SIRPB1: variants seen among roughly 807,000 people sequenced by gnomAD.
SIRPB1 encodes the protein signal regulatory protein beta 1.
In SIRPB1, 28 loss-of-function variants were observed where a neutral mutation model predicts 34.1. The observed-to-expected ratio is 0.82, with a 90% CI of 0.61 to 1.12. The LOEUF is 1.12. Among genes scored for constraint, SIRPB1 ranks in the 50% most tolerant of loss-of-function variants. SIRPB1 has a pLI of 0.00. For missense variants in SIRPB1, 499 were observed against 507.0 expected, an observed-to-expected ratio of 0.98 and a Z score of 0.15; for synonymous variants, 211 against 203.8, an observed-to-expected ratio of 1.04 and a Z score of -0.30.
Position 1,578,554 on chromosome 20 carries a change from C to G in SIRPB1, c.217G>C (p.Ala73Pro), listed in dbSNP as rs577976401. 2.4e-5 allele frequency: 38 copies of G among 1,584,068 alleles called. 7 individuals are homozygous for G. The highest frequency in any genetic ancestry group is 3.4e-4 in the Middle Eastern group (2 of 5,894). Residue 73 changes from alanine to proline, a missense_variant, in exon 2 of 6, where the codon GCA (alanine) becomes CCA (proline). Physicochemically the swap from Ala to Pro is conservative, Grantham distance 27. Transcript: ENST00000381605. ...TGATTGTAGATTAATTCCCGGCCTG[C>G]TCCAGCTCCTCTAAACCACATGATG... ...GPIMWFRGAG[A>P]GRELIYNQKE...
intron 1 of SIRPB1, among the ~76,000 whole-genome samples, chr20:1,599,438 C>A (rs1221864948): frequency 2.0e-5 from 1 of 49,386 alleles, no homozygotes; most frequent in Non-Finnish European, 3.9e-5. Flanking sequence ...AAGTAGGTGT[C>A]ATGAGTATAA....
Position 1,561,439 on chromosome 20 carries a change from T to C in SIRPB1, c.*4061A>G, listed in dbSNP as rs1371017724. On this transcript the variant is annotated 3_prime_UTR_variant, in exon 6 of 6. Transcript: ENST00000381605. ...ATCTTTTCTTTTTACCTAATGTCGT[T>C]TTTCTCTTCCAGCATCCCATCCAGG... Among the ~76,000 whole-genome samples the C allele has an allele frequency of 1.3e-5, 2 of 152,134 alleles. No homozygotes were observed. The highest frequency in any genetic ancestry group is 2.9e-5 in the Non-Finnish European group (2 of 68,002).
At chr20:1,610,302 C>T (rs145332593) in intron 1 of SIRPB1, among the ~76,000 whole-genome samples, 6,463 of 72,294 alleles carry the variant, frequency 0.089, 2,577 homozygotes, top group Admixed American at 0.26. Flanking sequence ...CAGCGTCTAA[C>T]GCTGGGGAAG....
intron 3 of SIRPB1, among the ~76,000 whole-genome samples, chr20:1,571,505 A>G (rs773804513): frequency 7.9e-5 from 12 of 152,224 alleles, no homozygotes; most frequent in Non-Finnish European, 1.8e-4. Flanking sequence ...GGTGAAATAA[A>G]TGAAACTCTG....
At chr20:1,571,657 G>A in intron 3 of SIRPB1, 63 bp downstream of exon 3, 1 of 1,610,648 alleles carries the variant, frequency 6.2e-7, no homozygotes, top group Non-Finnish European at 8.5e-7. Flanking sequence ...TCTGGAGCCT[G>A]GGGAGAGGGG....
rs138525987 is a variant in SIRPB1 at position 1,597,686 on chromosome 20, C to T, written c.77-18992G>A. On this transcript the variant is annotated intron_variant, in intron 1 of 5. Coordinates refer to ENST00000381605, the MANE Select transcript of SIRPB1 (RefSeq NM_006065.5). ...GAAAAAATATCCAAATTATATCATACGTATAAACAAAGAGGAAGGATAATC... is the reference window on the plus strand; with the variant it reads ...GAAAAAATATCCAAATTATATCATATGTATAAACAAAGAGGAAGGATAATC... The T allele has an allele frequency of 6.9e-3, 1,946 of 283,018 alleles. 915 individuals carry two copies. The African/African-American group carries it at 0.21, about 30-fold the overall frequency. 17.5% of individuals were successfully genotyped at this position (283,018 alleles called of 1,614,324 possible).
intron 2 of SIRPB1, 151 bp from the exon 3 acceptor site, chr20:1,572,188 T>G: frequency 1.5e-6 from 2 of 1,330,606 alleles, no homozygotes; most frequent in Non-Finnish European, 2.0e-6. Context: ...ATTTTACAGA[T>G]CAGGACACAA....
At chr20:1,617,526 A>G (rs1035907189) in intron 1 of SIRPB1, among the ~76,000 whole-genome samples, 2 of 152,240 alleles carry the variant, frequency 1.3e-5, no homozygotes, top group African/African-American at 4.8e-5. Context: ...GTTACCAGGC[A>G]CTAGGCAGGG....
chr20:1,569,376 T>C (rs946123059), intron 4 of SIRPB1, among the ~76,000 whole-genome samples: 2 of 152,244 alleles, frequency 1.3e-5, no homozygotes, highest in Non-Finnish European at 2.9e-5. Context: ...TGAAATTTAG[T>C]GATTTGAACA....
rs2091082955 is a variant in SIRPB1 at position 1,561,448 on chromosome 20, C to T, written c.*4052G>A. On this transcript the variant is annotated 3_prime_UTR_variant, in exon 6 of 6. Coordinates refer to ENST00000381605, the MANE Select transcript of SIRPB1 (RefSeq NM_006065.5). ...TTTTACCTAATGTCGTTTTTCTCTT[C>T]CAGCATCCCATCCAGGATACCTGTT... 6.6e-6 allele frequency among the ~76,000 whole-genome samples: 1 copy of T among 151,772 alleles called. No individual in the cohort carries two copies. Among genetic ancestry groups the T allele is most frequent in the Non-Finnish European group, 1.5e-5 (1 of 67,928 alleles).
At position 1,588,097 on chromosome 20, in the gene SIRPB1, C is replaced by T. The variant is rs2091430281; in HGVS notation, c.77-9403G>A. 4.2e-5 allele frequency among the ~76,000 whole-genome samples: 2 copies of T among 48,184 alleles called. 1 individual carries two copies. Among genetic ancestry groups the T allele is most frequent in the Non-Finnish European group, 8.0e-5 (2 of 25,132 alleles). 31.6% of individuals were successfully genotyped at this position (48,184 alleles called of 152,430 possible). On this transcript the variant is annotated intron_variant, in intron 1 of 5. Coordinates refer to ENST00000381605, the MANE Select transcript of SIRPB1 (RefSeq NM_006065.5). ...AAATAAGGAGCACCCTTAGGGAGGA[C>T]GGTGGCTGAACATCCCTGGGAAACA...
Position 1,564,724 on chromosome 20 carries a change from G to T in SIRPB1, c.*776C>A. ...ACTGTTGGCAGTGTGAAATTGGTCA[G>T]GTTGGGAGTTATTACACTAGAGAAA... On this transcript the variant is annotated 3_prime_UTR_variant, in exon 6 of 6. Coordinates refer to ENST00000381605, the MANE Select transcript of SIRPB1 (RefSeq NM_006065.5). The T allele has an allele frequency of 2.5e-6, 1 of 393,902 alleles. No homozygotes were observed. Among genetic ancestry groups the T allele is most frequent in the Non-Finnish European group, 4.5e-6 (1 of 223,616 alleles). The allele number at this position is 393,902 out of a possible 1,614,324, so 24.4% of individuals were successfully genotyped here.
intron 1 of SIRPB1, among the ~76,000 whole-genome samples, chr20:1,579,049 T>A (rs1380693671): frequency 6.8e-6 from 1 of 147,954 alleles, no homozygotes; most frequent in Non-Finnish European, 1.5e-5. Context: ...TCTTCCAGGC[T>A]CAAGAGATCC....
Position 1,603,574 on chromosome 20 carries a change from C to G in SIRPB1, c.76+16295G>C, listed in dbSNP as rs1236079546. On this transcript the variant is annotated intron_variant, in intron 1 of 5. Coordinates refer to ENST00000381605, the MANE Select transcript of SIRPB1 (RefSeq NM_006065.5). ...AGCAAGATGCAGAACGTGAGGAACACATGATCCCCTTGCCTCCTTTCTTCC... is the reference window on the plus strand; with the variant it reads ...AGCAAGATGCAGAACGTGAGGAACAGATGATCCCCTTGCCTCCTTTCTTCC... Among the ~76,000 whole-genome samples the G allele has an allele frequency of 4.1e-5, 2 of 48,954 alleles. 1 individual carries two copies. The highest frequency in any genetic ancestry group is 7.9e-5 in the Non-Finnish European group (2 of 25,378). 32.1% of individuals were successfully genotyped at this position (48,954 alleles called of 152,430 possible).
At chr20:1,619,823 G>T in intron 1 of SIRPB1, 46 bp downstream of exon 1, 1 of 1,385,900 alleles carries the variant, frequency 7.2e-7, no homozygotes, top group Non-Finnish European at 1.0e-6. Context: ...GACAGGCCAT[G>T]GCTCAGTGGG....
chr20:1,601,551 C>T (rs1218571878), intron 1 of SIRPB1, among the ~76,000 whole-genome samples: 1 of 49,226 alleles, frequency 2.0e-5, no homozygotes, highest in African/African-American at 1.3e-4. Flanking sequence ...TAGGCTGCCA[C>T]GCTGCTGGTG....
rs1439886428 is a variant in SIRPB1 at position 1,594,918 on chromosome 20, A to G, written c.77-16224T>C. Among the ~76,000 whole-genome samples the G allele has an allele frequency of 4.1e-5, 2 of 48,926 alleles. 1 individual carries two copies. The highest frequency in any genetic ancestry group is 2.7e-4 in the African/African-American group (2 of 7,384). 32.1% of individuals were successfully genotyped at this position (48,926 alleles called of 152,430 possible). A position where few individuals can be genotyped will look rare whatever the true frequency, so the allele number is the denominator to read the frequency against. ...TGTTGTTAGGTAGAATTTTAGTAAT[A>G]GCAACAATTTTAAAAAACAGATCCT... is the stretch of plus-strand genomic sequence containing the variant. On this transcript the variant is annotated intron_variant, in intron 1 of 5. Coordinates refer to ENST00000381605, the MANE Select transcript of SIRPB1 (RefSeq NM_006065.5).
At position 1,561,654 on chromosome 20, in the gene SIRPB1, G is replaced by C. The variant is rs1025841561; in HGVS notation, c.*3846C>G. Among the ~76,000 whole-genome samples the C allele has an allele frequency of 1.3e-5, 2 of 152,134 alleles. No individual in the cohort carries two copies. Among genetic ancestry groups the C allele is most frequent in the African/African-American group, 2.4e-5 (1 of 41,418 alleles). On this transcript the variant is annotated 3_prime_UTR_variant, in exon 6 of 6. Coordinates refer to ENST00000381605, the MANE Select transcript of SIRPB1 (RefSeq NM_006065.5). Reference sequence around the variant, plus strand: ...AGATTGGGGTTGTGAGTTTTGGGGGGAAGGTAATAGAGGAAAAGTGTCATC... The same window carrying C: ...AGATTGGGGTTGTGAGTTTTGGGGGCAAGGTAATAGAGGAAAAGTGTCATC...
At chr20:1,567,298 A>T (rs2122167049) in intron 4 of SIRPB1, among the ~76,000 whole-genome samples, 1 of 152,246 alleles carries the variant, frequency 6.6e-6, no homozygotes, top group East Asian at 1.9e-4. Context: ...GATAGACTGC[A>T]TTGGGAATAT....
Sources: gnomAD v4.1 joint callset for allele counts (sites outside exome capture counted in the v4.1 genomes callset) on GRCh38, gnomAD v4.1.1 for gene constraint, MANE v1.5 for transcripts, NCBI Gene and HGNC (gene_info 2026-07-23, HGNC 2026-07-21) for gene names.